ZNF519: variants seen among roughly 807,000 people sequenced by gnomAD.
ZNF519 encodes zinc finger protein 519.
Under a neutral mutation model 7.4 loss-of-function variants are expected in ZNF519, and 7 were observed. The ratio of observed to expected loss-of-function variants is 0.94; its 90% confidence interval spans 0.54 to 1.77. The LOEUF is 1.77. ZNF519 is among the 40% of genes most tolerant of loss of function. The pLI, the probability that ZNF519 is intolerant of heterozygous loss-of-function variation, is 0.00. For synonymous variants in ZNF519, 179 were observed against 203.3 expected (o/e 0.88, Z 1.02); for missense variants, 586 against 623.1 (o/e 0.94, Z 0.63).
At chr18:14,092,230 G>C (rs182861080) in intron 2 of ZNF519, among the ~76,000 whole-genome samples, 1 of 152,144 alleles carries the variant, frequency 6.6e-6, no homozygotes, top group African/African-American at 2.4e-5. Flanking sequence ...AAAGAAGAGG[G>C]GAGTCAGGAC....
At chr18:14,122,956 T>A (rs1206916802) in intron 2 of ZNF519, among the ~76,000 whole-genome samples, 11 of 117,118 alleles carry the variant, frequency 9.4e-5, no homozygotes, top group African/African-American at 3.7e-4. Context: ...CAGGCCCCGG[T>A]GTGTGATGTT....
intron 3 of ZNF519, among the ~76,000 whole-genome samples, chr18:14,079,041 C>A (rs1200723545): frequency 6.6e-6 from 1 of 152,048 alleles, no homozygotes; most frequent in East Asian, 1.9e-4. Context: ...TGACAGGCAC[C>A]CTGGAATAAA....
chr18:14,087,614 T>C (rs2046096838), intron 2 of ZNF519, among the ~76,000 whole-genome samples: 1 of 152,174 alleles, frequency 6.6e-6, no homozygotes, highest in Admixed American at 6.5e-5. Context: ...GCTACTGATG[T>C]TGCCATGATT....
At chr18:14,089,490 T>G (rs1166004572) in intron 2 of ZNF519, among the ~76,000 whole-genome samples, 1 of 152,166 alleles carries the variant, frequency 6.6e-6, no homozygotes, top group African/African-American at 2.4e-5. Flanking sequence ...AATGGGCATT[T>G]CTTGAGTAAA....
At chr18:14,082,068 T>C (rs531979570) in intron 3 of ZNF519, 1 of 152,220 alleles carries the variant, frequency 6.6e-6, no homozygotes, top group South Asian at 2.1e-4. Flanking sequence ...ATTTAGTCCA[T>C]TTAAATTTAG....
In ZNF519 at chr18:14,104,709, TA is replaced by T; in HGVS notation, c.*207del. 1 of 446,178 alleles carries T rather than the reference TA, an allele frequency of 2.2e-6. No homozygotes were observed. The highest frequency in any genetic ancestry group is 3.8e-6 in the Non-Finnish European group (1 of 260,838). The allele number at this position is 446,178 out of a possible 1,614,324, so 27.6% of individuals were successfully genotyped here. On this transcript the variant is annotated 3_prime_UTR_variant, in exon 3 of 3. Coordinates refer to ENST00000590202, the MANE Select transcript of ZNF519 (RefSeq NM_145287.4). ...ATTGAGTTTGAATTATTTGTTATAA[TA>T]AACACACTGATTCAGAGTAATTTAC...
At chr18:14,115,128 C>T (rs939393643) in intron 2 of ZNF519, among the ~76,000 whole-genome samples, 1 of 152,156 alleles carries the variant, frequency 6.6e-6, no homozygotes, top group African/African-American at 2.4e-5. Context: ...TAGCTTTATC[C>T]ATTCCAAAAG....
At chr18:14,086,927 C>CACAACAACA (rs1567939612) in intron 2 of ZNF519, among the ~76,000 whole-genome samples, 2 of 12,332 alleles carry the variant, frequency 1.6e-4, no homozygotes, top group Non-Finnish European at 3.7e-4. Context: ...CAGACAAGGA[C>CACAACAACA]ATAACAACAA....
chr18:14,100,429 G>C lies in ZNF519; in HGVS notation c.*4488C>G, dbSNP rs1195235756. On this transcript the variant is annotated 3_prime_UTR_variant, in exon 3 of 3. Transcript: ENST00000590202. ...GACTGAAAACAACAAATATGTTCTT[G>C]AAAGAGTGAAGGGTTACACACAGTA... 6.6e-6 allele frequency: 1 copy of C among 152,124 alleles called. No individual in the cohort carries two copies. The highest frequency in any genetic ancestry group is 1.9e-4 in the East Asian group (1 of 5,200). 9.4% of individuals were successfully genotyped at this position (152,124 alleles called of 1,614,324 possible). A position where few individuals can be genotyped will look rare whatever the true frequency, so the allele number is the denominator to read the frequency against.
At chr18:14,130,870 A>G (rs2046326055) in intron 1 of ZNF519, among the ~76,000 whole-genome samples, 1 of 151,900 alleles carries the variant, frequency 6.6e-6, no homozygotes, top group African/African-American at 2.4e-5. Context: ...AATCTTAAAA[A>G]TCCCAAGGGA....
chr18:14,123,630 T>C (rs549553398), intron 2 of ZNF519, among the ~76,000 whole-genome samples: 1 of 152,052 alleles, frequency 6.6e-6, no homozygotes, highest in Admixed American at 6.5e-5. Context: ...GAGGCAGAAG[T>C]GCTTGAACCC....
In ZNF519 at chr18:14,105,392, T is replaced by C. The variant is rs776105352; in HGVS notation, c.1148A>G (p.Lys383Arg). The C allele has an allele frequency of 1.9e-6, 3 of 1,614,030 alleles. No individual in the cohort carries two copies. Among genetic ancestry groups the C allele is most frequent in the South Asian group, 1.1e-5 (1 of 91,076 alleles). ...AACGTATGAGCTTCTATTAAAGGCT[T>C]TGCCACATTCCTTACATCTGAAAGG... ...EKPFRCKECG[K>R]AFNRSSYVTQ... The change falls in exon 3 of 3, where the codon AAA becomes AGA. Residue 383 changes from lysine (K) to arginine (R), a missense_variant. Lys to Arg is a conservative substitution (Grantham distance 26). Transcript: ENST00000590202.
At chr18:14,129,671 A>C (rs1231182756) in intron 1 of ZNF519, among the ~76,000 whole-genome samples, 1 of 152,152 alleles carries the variant, frequency 6.6e-6, no homozygotes, top group Non-Finnish European at 1.5e-5. Flanking sequence ...TAGCTGTCCA[A>C]CACCTCAATT....
At chr18:14,127,802 T>C (rs1362274755) in intron 1 of ZNF519, among the ~76,000 whole-genome samples, 2 of 152,124 alleles carry the variant, frequency 1.3e-5, no homozygotes, top group Admixed American at 1.3e-4. Flanking sequence ...GAAGGGACTG[T>C]AGATTCCAAA....
Position 14,101,199 on chromosome 18 carries a change from GA to G in ZNF519, c.*3717del. ...GGGTGAACTCTCTCTAGGTGCACAGGAAGGAACATGAGGAGGTAAAAGAGGT... is the reference window on the plus strand; with the variant it reads ...GGGTGAACTCTCTCTAGGTGCACAGGAGGAACATGAGGAGGTAAAAGAGGT... On this transcript the variant is annotated 3_prime_UTR_variant, in exon 3 of 3. Transcript: ENST00000590202. The G allele has an allele frequency of 6.5e-6, 1 of 153,512 alleles. No homozygotes were observed. The highest frequency in any genetic ancestry group is 1.5e-5 in the Non-Finnish European group (1 of 68,806). The allele number at this position is 153,512 out of a possible 1,614,324, so 9.5% of individuals were successfully genotyped here.
chr18:14,118,835 A>G (rs565867134), intron 2 of ZNF519, among the ~76,000 whole-genome samples: 1 of 152,302 alleles, frequency 6.6e-6, no homozygotes, highest in South Asian at 2.1e-4. Context: ...TGGTCCCGGA[A>G]GCAGCCCTGT....
At chr18:14,129,592 A>G (rs1033101326) in intron 1 of ZNF519, among the ~76,000 whole-genome samples, 2 of 152,134 alleles carry the variant, frequency 1.3e-5, no homozygotes, top group African/African-American at 4.8e-5. Flanking sequence ...ACCAGGCCCC[A>G]GTGATGTCTT....
chr18:14,117,157 G>C (rs920909198), intron 2 of ZNF519, among the ~76,000 whole-genome samples: 2 of 152,058 alleles, frequency 1.3e-5, no homozygotes, highest in African/African-American at 4.8e-5. Flanking sequence ...TAAACATTTA[G>C]TGAAGTAAGC....
At chr18:14,085,947 C>G (rs541947223) in intron 2 of ZNF519, among the ~76,000 whole-genome samples, 238 of 152,266 alleles carry the variant, frequency 1.6e-3, no homozygotes, top group African/African-American at 5.6e-3. Flanking sequence ...GTAGTCAGGG[C>G]GTATCAGCAT....
Sources: allele counts gnomAD v4.1 joint callset (sites outside exome capture counted in the v4.1 genomes callset), GRCh38; gene constraint gnomAD v4.1.1; transcripts MANE v1.5; gene names NCBI Gene and HGNC (gene_info 2026-07-23, HGNC 2026-07-21).